Variants in DNAAF11 observed in about 807,000 individuals in gnomAD.
DNAAF11 encodes leucine rich repeat containing 6.
In DNAAF11, 45 loss-of-function variants were observed where a neutral mutation model predicts 60.8. The ratio of observed to expected loss-of-function variants is 0.74; its 90% CI spans 0.58 to 0.95. DNAAF11 has a LOEUF of 0.95. Among genes scored for constraint, DNAAF11 ranks in the 40% least tolerant of loss-of-function variants. The pLI, the probability that DNAAF11 is intolerant of heterozygous loss-of-function variation, is 0.00. For synonymous variants in DNAAF11, 191 were observed against 183.5 expected (o/e 1.04, Z -0.33); for missense variants, 546 against 546.2 (o/e 1.00, Z 0.00).
At chr8:132,619,103 G>C (rs1343754699) in intron 7 of DNAAF11, among the ~76,000 whole-genome samples, 1 of 152,098 alleles carries the variant, frequency 6.6e-6, no homozygotes, top group Non-Finnish European at 1.5e-5. Context: ...ATACACCATG[G>C]AATACTATGC....
At chr8:132,675,578 G>T (rs1586767227), upstream of DNAAF11, 48 of 1,374,258 alleles carry the variant, frequency 3.5e-5, no homozygotes, top group Non-Finnish European at 4.2e-5. Context: ...TCCTCAGCGC[G>T]TCCCCGTCGG....
intron 3 of DNAAF11, among the ~76,000 whole-genome samples, chr8:132,648,779 A>G (rs534289371): frequency 6.0e-4 from 91 of 152,306 alleles, no homozygotes; most frequent in South Asian, 1.5e-3. Flanking sequence ...AAGAGAATAA[A>G]ATACCTAGGA....
intron 3 of DNAAF11, among the ~76,000 whole-genome samples, chr8:132,649,606 A>G (rs1485512144): frequency 1.3e-5 from 2 of 152,178 alleles, no homozygotes; most frequent in Admixed American, 1.3e-4. Flanking sequence ...GAAAATTTTT[A>G]CAATCTACCC....
At chr8:132,673,700 C>T (rs1825407623) in intron 1 of DNAAF11, among the ~76,000 whole-genome samples, 1 of 152,094 alleles carries the variant, frequency 6.6e-6, no homozygotes, top group African/African-American at 2.4e-5. Flanking sequence ...CCTTTCCAGA[C>T]AGCACTGCTT....
the DNAAF11 span, among the ~76,000 whole-genome samples, chr8:132,698,940 A>ATTTTGTGTGTG: frequency 8.6e-5 from 4 of 46,410 alleles, no homozygotes; most frequent in African/African-American, 1.4e-3. Context: ...ATGTATACAT[A>ATTTTGTGTGTG]TATATATATA....
At chr8:132,651,854 G>A (rs1446766332) in intron 3 of DNAAF11, among the ~76,000 whole-genome samples, 2 of 152,146 alleles carry the variant, frequency 1.3e-5, no homozygotes, top group African/African-American at 2.4e-5. Flanking sequence ...GCCGTAAAAC[G>A]TTAGCTGGGA....
intron 10 of DNAAF11, among the ~76,000 whole-genome samples, chr8:132,607,546 G>C (rs1481653815): frequency 2.0e-5 from 3 of 152,164 alleles, no homozygotes; most frequent in African/African-American, 7.2e-5. Context: ...TCAATACCCA[G>C]AGTGTATAGA....
Position 132,674,348 on chromosome 8 carries a change from C to T in DNAAF11, c.10+1136G>A, listed in dbSNP as rs1327168312. ...TTTCAACATTTACAAATCACTCCCCCCCGACCCCCACCTCTCCCACTTGCA... is the reference window on the plus strand; with the variant it reads ...TTTCAACATTTACAAATCACTCCCCTCCGACCCCCACCTCTCCCACTTGCA... On this transcript the variant is annotated intron_variant, in intron 1 of 11. Coordinates refer to ENST00000620350, the MANE Select transcript of DNAAF11 (RefSeq NM_012472.6). 5.9e-5 allele frequency among the ~76,000 whole-genome samples: 9 copies of T among 152,094 alleles called. No individual in the cohort carries two copies. In the South Asian group the frequency reaches 1.9e-3, roughly 32 times the overall value.
intron 1 of DNAAF11, among the ~76,000 whole-genome samples, chr8:132,672,801 G>A (rs753160712): frequency 3.9e-5 from 6 of 152,108 alleles, no homozygotes; most frequent in African/African-American, 9.7e-5. Context: ...GGAAAGAGCC[G>A]CGAAAGCCGG....
intron 3 of DNAAF11, among the ~76,000 whole-genome samples, chr8:132,648,616 G>A (rs1217826674): frequency 2.6e-5 from 4 of 152,142 alleles, no homozygotes; most frequent in Admixed American, 2.6e-4. Context: ...AAACCCCATT[G>A]TCTCAGCCAA....
At chr8:132,638,775 C>T (rs1821566665) in intron 3 of DNAAF11, among the ~76,000 whole-genome samples, 1 of 152,148 alleles carries the variant, frequency 6.6e-6, no homozygotes, top group Admixed American at 6.5e-5. Context: ...ACCCATCCAC[C>T]TTCATTACAG....
the DNAAF11 span, among the ~76,000 whole-genome samples, chr8:132,691,982 AT>A: frequency 1.3e-5 from 2 of 152,184 alleles, no homozygotes; most frequent in Admixed American, 6.5e-5. Flanking sequence ...TTTTTGGAAC[AT>A]GGAGAAACAA....
At chr8:132,592,541 G>A (rs1156455163) in intron 10 of DNAAF11, among the ~76,000 whole-genome samples, 1 of 152,082 alleles carries the variant, frequency 6.6e-6, no homozygotes, top group Non-Finnish European at 1.5e-5. Flanking sequence ...AGGAATTGTA[G>A]GCTGTTTTAG....
chr8:132,594,955 A>T (rs1816834984), intron 10 of DNAAF11, among the ~76,000 whole-genome samples: 1 of 151,956 alleles, frequency 6.6e-6, no homozygotes, highest in Admixed American at 6.6e-5. Context: ...ACGAGATCTG[A>T]TGGTTTGATA....
At chr8:132,599,925 C>T (rs1356724170) in intron 10 of DNAAF11, among the ~76,000 whole-genome samples, 1 of 152,082 alleles carries the variant, frequency 6.6e-6, no homozygotes, top group African/African-American at 2.4e-5. Context: ...CTAGCCAGGA[C>T]AATCAGGCAG....
chr8:132,643,952 C>T (rs1822110653), intron 3 of DNAAF11, among the ~76,000 whole-genome samples: 1 of 151,864 alleles, frequency 6.6e-6, no homozygotes, highest in Non-Finnish European at 1.5e-5. Flanking sequence ...TTTACAAGAA[C>T]AAATAAATGC....
intron 10 of DNAAF11, among the ~76,000 whole-genome samples, chr8:132,586,387 G>A (rs1211643931): frequency 1.3e-5 from 2 of 151,986 alleles, no homozygotes; most frequent in African/African-American, 4.8e-5. Context: ...TAAAACTAAA[G>A]TTTTGATTTT....
At chr8:132,666,368 A>G (rs903364915) in intron 1 of DNAAF11, among the ~76,000 whole-genome samples, 2 of 152,258 alleles carry the variant, frequency 1.3e-5, no homozygotes, top group Non-Finnish European at 2.9e-5. Context: ...ATTACTATAC[A>G]GTATATGTAT....
chr8:132,646,859 C>A (rs910157546), intron 3 of DNAAF11, among the ~76,000 whole-genome samples: 81 of 152,098 alleles, frequency 5.3e-4, no homozygotes, highest in Non-Finnish European at 1.0e-3. Flanking sequence ...CCTTAGAGAC[C>A]TACAAAGAGA....
Sources: allele counts gnomAD v4.1 joint callset (sites outside exome capture counted in the v4.1 genomes callset), GRCh38; gene constraint gnomAD v4.1.1; transcripts MANE v1.5; gene names NCBI Gene and HGNC (gene_info 2026-07-23, HGNC 2026-07-21).